Variants in CD9 observed in about 807,000 individuals in gnomAD.
CD9 encodes the protein CD9 antigen.
In CD9, 10 loss-of-function variants were observed where a neutral mutation model predicts 31.4. That is an observed-to-expected ratio of 0.32 (90% CI 0.20 to 0.54). The LOEUF (loss-of-function observed/expected upper bound fraction) is 0.54. Among genes scored for constraint, CD9 ranks in the 20% least tolerant of loss-of-function variants. The pLI is 0.94. For missense variants in CD9, 259 were observed against 300.1 expected (o/e 0.86, Z 1.01); for synonymous variants, 113 against 114.1 (o/e 0.99, Z 0.06).
At chr12:6,206,662 G>A (rs1014461197) in intron 1 of CD9, among the ~76,000 whole-genome samples, 1 of 152,066 alleles carries the variant, frequency 6.6e-6, no homozygotes, top group Non-Finnish European at 1.5e-5. Flanking sequence ...GCAACATCCT[G>A]TCCCCAGATG....
intron 1 of CD9, among the ~76,000 whole-genome samples, chr12:6,221,539 G>T (rs1245291594): frequency 1.3e-5 from 2 of 152,156 alleles, no homozygotes; most frequent in African/African-American, 4.8e-5. Flanking sequence ...AACCTGGGTG[G>T]AAGCCATCGA....
chr12:6,223,261 CTT>C (rs11307227), intron 1 of CD9, among the ~76,000 whole-genome samples: 173 of 133,154 alleles, frequency 1.3e-3, no homozygotes, highest in Middle Eastern at 3.9e-3. Flanking sequence ...CACCTTTGTA[CTT>C]TTTTTTTTTT....
intron 1 of CD9, among the ~76,000 whole-genome samples, chr12:6,206,996 A>G (rs1314467680): frequency 1.3e-5 from 2 of 151,636 alleles, no homozygotes; most frequent in East Asian, 3.9e-4. Flanking sequence ...GCTTTACACA[A>G]TCCTGGCCTC....
intron 7 of CD9, 43 bp downstream of exon 7, chr12:6,236,318 C>G (rs1946523859): frequency 1.3e-6 from 2 of 1,547,336 alleles, no homozygotes; most frequent in African/African-American, 1.4e-5. Context: ...CTGAGGAGTT[C>G]ACATTGATTC....
chr12:6,233,926 C>A (rs916274995), intron 4 of CD9, among the ~76,000 whole-genome samples: 1 of 149,678 alleles, frequency 6.7e-6, no homozygotes, highest in Non-Finnish European at 1.5e-5. Flanking sequence ...TGTGCAGGGT[C>A]CACAGATGTT....
chr12:6,200,870 C>A (rs1410418069), intron 1 of CD9: 3 of 314,784 alleles, frequency 9.5e-6, no homozygotes, highest in Non-Finnish European at 1.7e-5. Context: ...AGGATTTGAG[C>A]TGGGGTGTGT....
In CD9 at chr12:6,225,247, T is replaced by A. The variant is rs78144552; in HGVS notation, c.67-179T>A. 1.4e-3 allele frequency: 793 copies of A among 582,176 alleles called. 8 individuals carry two copies. In the African/African-American group the frequency reaches 0.014, roughly 10 times the overall value. 36.1% of individuals were successfully genotyped at this position (582,176 alleles called of 1,614,324 possible). A position where few individuals can be genotyped will look rare whatever the true frequency, so the allele number is the denominator to read the frequency against. ...CTGTTTATTCCTCGCTTGCTGGTATTTTTAGTACCTGCATGAATCAAACAC... is the reference window on the plus strand; with the variant it reads ...CTGTTTATTCCTCGCTTGCTGGTATATTTAGTACCTGCATGAATCAAACAC... On this transcript the variant is annotated intron_variant, in intron 1 of 7. Coordinates refer to ENST00000009180, the MANE Select transcript of CD9 (RefSeq NM_001769.4).
chr12:6,229,547 G>T (rs1348221831), intron 2 of CD9, among the ~76,000 whole-genome samples: 1 of 152,152 alleles, frequency 6.6e-6, no homozygotes, highest in African/African-American at 2.4e-5. Flanking sequence ...GAAACCAGTC[G>T]GGGCAGAGGT....
At chr12:6,228,574 A>C (rs1028129319) in intron 2 of CD9, among the ~76,000 whole-genome samples, 2 of 151,750 alleles carry the variant, frequency 1.3e-5, no homozygotes, top group Admixed American at 6.6e-5. Context: ...AAAAAAAAAA[A>C]AAAAAAACAG....
chr12:6,205,166 G>A (rs1946117324), intron 1 of CD9, among the ~76,000 whole-genome samples: 1 of 152,250 alleles, frequency 6.6e-6, no homozygotes, highest in Admixed American at 6.5e-5. Flanking sequence ...GCGCTGGGGT[G>A]AAGCTGGCTA....
chr12:6,208,855 T>C (rs916412273), intron 1 of CD9, among the ~76,000 whole-genome samples: 1 of 151,550 alleles, frequency 6.6e-6, no homozygotes, highest in Non-Finnish European at 1.5e-5. Context: ...TGTAGTTTAA[T>C]GTCTTTTAAA....
chr12:6,237,194 C>T (rs1252413620), intron 7 of CD9, among the ~76,000 whole-genome samples: 5 of 152,240 alleles, frequency 3.3e-5, no homozygotes, highest in African/African-American at 7.2e-5. Context: ...AGGCTGGTCT[C>T]GAACTCCTGA....
intron 2 of CD9, among the ~76,000 whole-genome samples, chr12:6,231,801 T>G (rs1946450121): frequency 6.6e-6 from 1 of 152,220 alleles, no homozygotes; most frequent in Non-Finnish European, 1.5e-5. Flanking sequence ...ACCCTTAACC[T>G]GCAATAACTG....
At chr12:6,200,958 G>C (rs1946068935) in intron 1 of CD9, 1 of 176,882 alleles carries the variant, frequency 5.7e-6, no homozygotes, top group African/African-American at 2.4e-5. Flanking sequence ...TTGGGCCAAG[G>C]CCAAGGAGGA....
At chr12:6,234,234 A>G (rs895122356) in intron 4 of CD9, 2 of 152,020 alleles carry the variant, frequency 1.3e-5, no homozygotes, top group Non-Finnish European at 2.9e-5. Flanking sequence ...AGGATGGGCC[A>G]TATCAGAGTA....
At chr12:6,235,865 G>A (rs1023861023) in intron 6 of CD9, 1 of 1,366,188 alleles carries the variant, frequency 7.3e-7, no homozygotes, top group Non-Finnish European at 9.4e-7. Flanking sequence ...CTTTGTCAGT[G>A]GCTCCTGTCT....
chr12:6,208,810 C>T (rs958049085), intron 1 of CD9, among the ~76,000 whole-genome samples: 4 of 152,044 alleles, frequency 2.6e-5, no homozygotes, highest in Non-Finnish European at 5.9e-5. Flanking sequence ...GTGATCCACC[C>T]GCCTCAGCCT....
rs765798354 is a variant in CD9 at position 6,235,337 on chromosome 12, C to T, written c.447+10C>T. Reference sequence around the variant, plus strand: ...AGCCATCCACTATGCGGTATGTCGCCTTGGCAAAGACACCCTCCTGCGCTT... The same window carrying T: ...AGCCATCCACTATGCGGTATGTCGCTTTGGCAAAGACACCCTCCTGCGCTT... On this transcript the variant is annotated intron_variant, in intron 5 of 7. Coordinates refer to ENST00000009180, the MANE Select transcript of CD9 (RefSeq NM_001769.4). The T allele has an allele frequency of 1.9e-6, 3 of 1,614,236 alleles. No individual in the cohort carries two copies. In the South Asian group the frequency reaches 3.3e-5, roughly 18 times the overall value.
intron 1 of CD9, among the ~76,000 whole-genome samples, chr12:6,209,013 G>T (rs536333452): frequency 6.6e-6 from 1 of 152,140 alleles, no homozygotes; most frequent in South Asian, 2.1e-4. Context: ...CTGTCACCCA[G>T]GCTGGAGTGC....
Sources: allele counts gnomAD v4.1 joint callset (sites outside exome capture counted in the v4.1 genomes callset), GRCh38; gene constraint gnomAD v4.1.1; transcripts MANE v1.5; gene names NCBI Gene and HGNC (gene_info 2026-07-23, HGNC 2026-07-21).